TAFA5: variants seen among roughly 807,000 people sequenced by gnomAD.
TAFA5 encodes the protein TAFA chemokine like family member 5, also known as chemokine-like protein TAFA-5.
TAFA5 carries 6 observed loss-of-function variants against 15.3 expected under a neutral mutation model. The ratio of observed to expected loss-of-function variants is 0.39; its 90% CI spans 0.21 to 0.77. TAFA5 has a LOEUF of 0.77. TAFA5 is among the 30% of genes least tolerant of loss of function. The probability of loss-of-function intolerance (pLI) is 0.41; values close to 1 mark genes in which losing one functional copy is unlikely to be tolerated. For synonymous variants in TAFA5, 103 were observed against 80.7 expected, an observed-to-expected ratio of 1.28 and a Z score of -1.48; for missense variants, 161 against 193.1, an observed-to-expected ratio of 0.83 and a Z score of 0.98.
At position 48,653,520 on chromosome 22, in the gene TAFA5, G is replaced by C. The variant is rs1031283408; in HGVS notation, c.262+6774G>C. On this transcript the variant is annotated intron_variant, in intron 2 of 3. Coordinates refer to ENST00000402357, the MANE Select transcript of TAFA5 (RefSeq NM_001082967.3). ...AGCTGACTGCCCGGCCCGACCCATG[G>C]CTGTGGCGTGAGGGTACAATGGCAA... 3.3e-5 allele frequency among the ~76,000 whole-genome samples: 5 copies of C among 152,328 alleles called. No homozygotes were observed. In the East Asian group the frequency reaches 9.7e-4, roughly 29 times the overall value.
intron 1 of TAFA5, among the ~76,000 whole-genome samples, chr22:48,618,556 C>T (rs1011312482): frequency 5.3e-5 from 8 of 152,198 alleles, no homozygotes; most frequent in African/African-American, 1.4e-4. Flanking sequence ...CGTCCGCACC[C>T]GCAGCTCCGT....
intron 1 of TAFA5, among the ~76,000 whole-genome samples, chr22:48,640,541 G>A (rs576684943): frequency 4.3e-5 from 6 of 137,984 alleles, no homozygotes; most frequent in Non-Finnish European, 8.8e-5. Context: ...CCAGCTGGGT[G>A]GGCAGGGCAG....
chr22:48,539,482 T>G (rs1206673229), intron 1 of TAFA5: 1 of 471,042 alleles, frequency 2.1e-6, no homozygotes, highest in Non-Finnish European at 4.4e-6. Context: ...TTGTGTTGAC[T>G]TTTCTTAAAG....
Position 48,671,544 on chromosome 22 carries a change from GC to G in TAFA5, c.262+24799del, listed in dbSNP as rs562659999. On this transcript the variant is annotated intron_variant, in intron 2 of 3. Coordinates refer to ENST00000402357, the MANE Select transcript of TAFA5 (RefSeq NM_001082967.3). ...ATCCAGAGTGGTGGTTCCTTCAGAG[GC>G]TTGTGTTCTGGGAGCATGACTGTTG... Among the ~76,000 whole-genome samples the G allele has an allele frequency of 4.2e-3, 647 of 152,310 alleles. 8 individuals carry two copies. The highest frequency in any genetic ancestry group is 0.015 in the African/African-American group (626 of 41,574).
chr22:48,585,703 C>A (rs976903611), intron 1 of TAFA5, among the ~76,000 whole-genome samples: 1 of 151,512 alleles, frequency 6.6e-6, no homozygotes, highest in African/African-American at 2.4e-5. Flanking sequence ...TATACACAGA[C>A]ACAGAATATA....
intron 1 of TAFA5, among the ~76,000 whole-genome samples, chr22:48,616,628 G>A (rs1280490523): frequency 6.6e-6 from 1 of 151,186 alleles, no homozygotes. Context: ...GAGTGGCCTC[G>A]CTGAGGCCGG....
At chr22:48,521,083 C>T (rs1921585130) in intron 1 of TAFA5, among the ~76,000 whole-genome samples, 1 of 152,190 alleles carries the variant, frequency 6.6e-6, no homozygotes, top group African/African-American at 2.4e-5. Flanking sequence ...GAATTCTTCC[C>T]ACCACGGCCG....
chr22:48,702,640 C>T (rs1205500631), intron 2 of TAFA5, among the ~76,000 whole-genome samples: 4 of 152,202 alleles, frequency 2.6e-5, no homozygotes, highest in African/African-American at 9.7e-5. Context: ...CCAGAGCCCA[C>T]GTTTCAGTCA....
chr22:48,612,629 G>C (rs539204712), intron 1 of TAFA5, among the ~76,000 whole-genome samples: 1 of 152,016 alleles, frequency 6.6e-6, no homozygotes, highest in African/African-American at 2.4e-5. Flanking sequence ...CCCGTTCCCC[G>C]CGTGTCTCCC....
At chr22:48,588,720 T>TG in intron 1 of TAFA5, among the ~76,000 whole-genome samples, 2 of 152,264 alleles carry the variant, frequency 1.3e-5, no homozygotes, top group African/African-American at 4.8e-5. Flanking sequence ...GGGCAGGGCC[T>TG]GGAGGTTCTA....
chr22:48,708,620 C>T lies in TAFA5; in HGVS notation c.390+776C>T, dbSNP rs371600402. ...TGAGGTGGCCTCAACTCCTCACTAG[C>T]GAGTGGCACCCCCTCATCCTGGCTG... is the stretch of plus-strand genomic sequence containing the variant. On this transcript the variant is annotated intron_variant, in intron 3 of 3. Coordinates refer to ENST00000402357, the MANE Select transcript of TAFA5 (RefSeq NM_001082967.3). Among the ~76,000 whole-genome samples the T allele has an allele frequency of 7.9e-5, 12 of 152,334 alleles. 1 individual carries two copies. In the South Asian group the frequency reaches 1.7e-3, roughly 21 times the overall value.
At chr22:48,586,222 G>A (rs549986992) in intron 1 of TAFA5, among the ~76,000 whole-genome samples, 15 of 152,394 alleles carry the variant, frequency 9.8e-5, no homozygotes, top group East Asian at 1.9e-4. Flanking sequence ...GTGCAGCCAC[G>A]TGGCTCTCTT....
chr22:48,594,937 C>T (rs73889124), intron 1 of TAFA5, among the ~76,000 whole-genome samples: 3,234 of 151,840 alleles, frequency 0.021, 115 homozygotes, highest in African/African-American at 0.075. Context: ...GTCCCCAGCA[C>T]ACCTTCGGCT....
intron 3 of TAFA5, among the ~76,000 whole-genome samples, chr22:48,746,580 G>A (rs1246031330): frequency 6.6e-6 from 1 of 152,220 alleles, no homozygotes; most frequent in African/African-American, 2.4e-5. Flanking sequence ...AAGTGGGTGT[G>A]TGTTTACACA....
chr22:48,521,683 G>A (rs1006211906), intron 1 of TAFA5, among the ~76,000 whole-genome samples: 11 of 152,154 alleles, frequency 7.2e-5, no homozygotes, highest in Non-Finnish European at 1.2e-4. Flanking sequence ...GGCCACAGAT[G>A]GACCCGATCC....
intron 2 of TAFA5, among the ~76,000 whole-genome samples, chr22:48,673,404 C>T (rs1927863290): frequency 6.6e-6 from 1 of 152,228 alleles, no homozygotes; most frequent in South Asian, 2.1e-4. Context: ...GCAGTCCTGC[C>T]TGTCTCGTCG....
intron 1 of TAFA5, among the ~76,000 whole-genome samples, chr22:48,572,507 C>A (rs1376209009): frequency 6.6e-6 from 1 of 152,206 alleles, no homozygotes; most frequent in Non-Finnish European, 1.5e-5. Context: ...TTTGGACCTG[C>A]TGACCCTGCT....
chr22:48,606,000 G>A (rs1925179891), intron 1 of TAFA5, among the ~76,000 whole-genome samples: 1 of 152,204 alleles, frequency 6.6e-6, no homozygotes, highest in South Asian at 2.1e-4. Context: ...GGAGGAGGCA[G>A]CAGTGGGAGA....
chr22:48,583,363 C>T (rs749978263), intron 1 of TAFA5, among the ~76,000 whole-genome samples: 1 of 147,068 alleles, frequency 6.8e-6, no homozygotes, highest in Non-Finnish European at 1.5e-5. Flanking sequence ...ACAAAATATA[C>T]ACATACCACA....
Sources: allele counts gnomAD v4.1 joint callset (sites outside exome capture counted in the v4.1 genomes callset), GRCh38; gene constraint gnomAD v4.1.1; transcripts MANE v1.5; gene names NCBI Gene and HGNC (gene_info 2026-07-23, HGNC 2026-07-21).